The following SCMH1 variants were observed in gnomAD, a reference collection of about 807,000 sequenced individuals.
SCMH1 encodes the protein Scm polycomb group protein homolog 1.
A neutral mutation model predicts 70.8 loss-of-function variants in SCMH1; 37 were observed. That is an observed-to-expected ratio of 0.52 (90% CI 0.40 to 0.69). SCMH1 has a LOEUF of 0.69. Among genes scored for constraint, SCMH1 ranks in the 30% least tolerant of loss-of-function variants. SCMH1 has a pLI of 0.00. For missense variants in SCMH1, 607 were observed against 827.3 expected, an observed-to-expected ratio of 0.73 and a Z score of 3.27; for synonymous variants, 292 against 307.4, an observed-to-expected ratio of 0.95 and a Z score of 0.52.
chr1:41,218,113 T>C (rs1017829651), intron 1 of SCMH1, among the ~76,000 whole-genome samples: 12 of 152,156 alleles, frequency 7.9e-5, no homozygotes, highest in African/African-American at 2.7e-4. Context: ...TTTGAGTTGA[T>C]TATATTTAGA....
chr1:41,125,764 T>TG (rs1173109710), intron 6 of SCMH1, among the ~76,000 whole-genome samples: 5 of 145,402 alleles, frequency 3.4e-5, no homozygotes, highest in South Asian at 4.5e-4. Context: ...CCAGTAGAGA[T>TG]GGGGGTCTTG....
intron 8 of SCMH1, among the ~76,000 whole-genome samples, chr1:41,077,021 G>A (rs894775460): frequency 5.9e-5 from 9 of 152,260 alleles, no homozygotes; most frequent in African/African-American, 1.9e-4. Context: ...ATTATATAGG[G>A]CAGGTAGAAG....
At chr1:41,142,731 G>A in intron 6 of SCMH1, 147 bp downstream of exon 6, 1 of 640,768 alleles carries the variant, frequency 1.6e-6, no homozygotes, top group Non-Finnish European at 2.7e-6. Context: ...TGTGCAGCTT[G>A]TTTCATTTTG....
intron 1 of SCMH1, among the ~76,000 whole-genome samples, chr1:41,207,301 C>T (rs1057323720): frequency 1.1e-4 from 16 of 151,992 alleles, no homozygotes; most frequent in East Asian, 1.9e-4. Context: ...ACCCATCTCA[C>T]GTGCAGAGAC....
intron 4 of SCMH1, among the ~76,000 whole-genome samples, chr1:41,156,774 G>A (rs1320551239): frequency 6.6e-6 from 1 of 151,978 alleles, no homozygotes; most frequent in African/African-American, 2.4e-5. Context: ...CAAAGAGCAT[G>A]CATAGTTTAG....
chr1:41,206,363 A>G (rs376745010), intron 1 of SCMH1, among the ~76,000 whole-genome samples: 261 of 152,328 alleles, frequency 1.7e-3, no homozygotes, highest in Non-Finnish European at 3.1e-3. Context: ...GACCTGATGG[A>G]GCTGAAAACC....
At chr1:41,049,257 T>C (rs1647188671) in intron 10 of SCMH1, among the ~76,000 whole-genome samples, 1 of 152,116 alleles carries the variant, frequency 6.6e-6, no homozygotes, top group Non-Finnish European at 1.5e-5. Flanking sequence ...TTTGTACCTC[T>C]TACCATATAT....
intron 8 of SCMH1, among the ~76,000 whole-genome samples, chr1:41,107,203 G>A (rs1335406684): frequency 6.6e-6 from 1 of 151,764 alleles, no homozygotes; most frequent in East Asian, 1.9e-4. Context: ...TGTTAGACAT[G>A]CTAGGCTCAA....
intron 1 of SCMH1, among the ~76,000 whole-genome samples, chr1:41,197,933 T>A (rs1232232961): frequency 6.6e-6 from 1 of 152,202 alleles, no homozygotes; most frequent in Non-Finnish European, 1.5e-5. Flanking sequence ...TTCTGGATAA[T>A]GTTACTATCT....
At chr1:41,073,276 T>C (rs1034056801) in intron 9 of SCMH1, among the ~76,000 whole-genome samples, 1 of 152,208 alleles carries the variant, frequency 6.6e-6, no homozygotes, top group Non-Finnish European at 1.5e-5. Flanking sequence ...GTTCCTTTTA[T>C]GTTGAGACAA....
intron 13 of SCMH1, among the ~76,000 whole-genome samples, chr1:41,036,310 C>T (rs1645287971): frequency 6.6e-6 from 1 of 152,310 alleles, no homozygotes; most frequent in East Asian, 1.9e-4. Context: ...CCCCACCTTC[C>T]TTCTCTTCTA....
intron 10 of SCMH1, among the ~76,000 whole-genome samples, chr1:41,068,403 T>A (rs983754283): frequency 6.6e-6 from 1 of 151,244 alleles, no homozygotes; most frequent in Non-Finnish European, 1.5e-5. Context: ...AATAATTGAT[T>A]AAAGAATTTT....
intron 3 of SCMH1, 147 bp downstream of exon 3, chr1:41,161,217 A>C: frequency 7.7e-7 from 1 of 1,291,896 alleles, no homozygotes; most frequent in East Asian, 2.5e-5. Context: ...TATATTGCTT[A>C]TGACCAATAC....
At chr1:41,225,949 G>C (rs528838653) in intron 1 of SCMH1, among the ~76,000 whole-genome samples, 6 of 152,270 alleles carry the variant, frequency 3.9e-5, no homozygotes, top group Non-Finnish European at 5.9e-5. Flanking sequence ...AGCTTATCTG[G>C]TGAAAGGGGA....
intron 1 of SCMH1, among the ~76,000 whole-genome samples, chr1:41,222,946 C>T (rs74070723): frequency 0.013 from 1,967 of 152,204 alleles, 41 homozygotes; most frequent in African/African-American, 0.045. Context: ...GAAGTGTATA[C>T]ATTTATATTA....
At chr1:41,087,422 AG>A (rs1165342519) in intron 8 of SCMH1, among the ~76,000 whole-genome samples, 2 of 152,066 alleles carry the variant, frequency 1.3e-5, no homozygotes, top group Admixed American at 6.6e-5. Context: ...TTACAATAAA[AG>A]GGTGTATCTA....
rs185879979 is a variant in SCMH1 at position 41,150,850 on chromosome 1, T to C, written c.177+764A>G. ...TACTCGGGAGGCTGAGGCAGGAGAATGGTATGTACCCAGGAGGCGGAGCTT... is the reference window on the plus strand; with the variant it reads ...TACTCGGGAGGCTGAGGCAGGAGAACGGTATGTACCCAGGAGGCGGAGCTT... On this transcript the variant is annotated intron_variant, in intron 5 of 14. Transcript: ENST00000337495. 9.1e-4 allele frequency among the ~76,000 whole-genome samples: 129 copies of C among 141,138 alleles called. 1 individual carries two copies. Among genetic ancestry groups the C allele is most frequent in the African/African-American group, 3.0e-3 (112 of 37,268 alleles). 92.6% of individuals were successfully genotyped at this position (141,138 alleles called of 152,430 possible).
chr1:41,030,006 G>C (rs145563515), intron 13 of SCMH1, among the ~76,000 whole-genome samples: 1 of 152,126 alleles, frequency 6.6e-6, no homozygotes, highest in East Asian at 1.9e-4. Flanking sequence ...TTGAGCCCAG[G>C]AGTTCAAGAC....
At chr1:41,063,578 C>A (rs560630576) in intron 10 of SCMH1, among the ~76,000 whole-genome samples, 49 of 150,380 alleles carry the variant, frequency 3.3e-4, no homozygotes, top group Non-Finnish European at 4.0e-4. Flanking sequence ...AACAAACAAA[C>A]AAACAAAAAA....
Sources: allele counts gnomAD v4.1 joint callset (sites outside exome capture counted in the v4.1 genomes callset), GRCh38; gene constraint gnomAD v4.1.1; transcripts MANE v1.5; gene names NCBI Gene and HGNC (gene_info 2026-07-23, HGNC 2026-07-21).